Variants in CAST observed in about 807,000 individuals in gnomAD.
The protein encoded by CAST is calpastatin.
Under a neutral mutation model 119.6 loss-of-function variants are expected in CAST, and 76 were observed. That is an observed-to-expected ratio of 0.64 (90% confidence interval 0.53 to 0.77). The LOEUF (loss-of-function observed/expected upper bound fraction) is 0.77. Ranked by LOEUF, CAST falls within the 30% of genes least tolerant of loss-of-function variation. The pLI, the probability that CAST is intolerant of heterozygous loss-of-function variation, is 0.00. For synonymous variants in CAST, 319 were observed against 331.6 expected (o/e 0.96, Z 0.41); for missense variants, 953 against 946.5 (o/e 1.01, Z -0.09).
chr5:96,186,572 T>C, the CAST span, among the ~76,000 whole-genome samples: 1 of 152,252 alleles, frequency 6.6e-6, no homozygotes, highest in Non-Finnish European at 1.5e-5. Context: ...TGTTGAATTT[T>C]ATCAAAAGCT....
the CAST span, among the ~76,000 whole-genome samples, chr5:96,143,165 T>C: frequency 2.0e-5 from 3 of 152,236 alleles, no homozygotes; most frequent in African/African-American, 7.2e-5. Flanking sequence ...TAATTGGATG[T>C]ATATATAAAC....
chr5:96,397,911 A>T, the CAST span, among the ~76,000 whole-genome samples: 1 of 151,784 alleles, frequency 6.6e-6, no homozygotes, highest in Non-Finnish European at 1.5e-5. Flanking sequence ...CATAAAAATT[A>T]TTATTTAATT....
chr5:96,303,928 A>G, the CAST span, among the ~76,000 whole-genome samples: 1 of 152,162 alleles, frequency 6.6e-6, no homozygotes, highest in Non-Finnish European at 1.5e-5. Flanking sequence ...TTAAGTCTTT[A>G]TAGTAGAATG....
the CAST span, among the ~76,000 whole-genome samples, chr5:96,048,864 A>G: frequency 6.6e-6 from 1 of 152,172 alleles, no homozygotes; most frequent in African/African-American, 2.4e-5. Context: ...TTAGGTATCC[A>G]ATGGAAGGGG....
the CAST span, among the ~76,000 whole-genome samples, chr5:96,323,640 G>C: frequency 1.2e-4 from 18 of 152,078 alleles, no homozygotes; most frequent in Non-Finnish European, 2.6e-4. Context: ...CTAGTCAATA[G>C]CAATAGCCAA....
chr5:96,431,806 G>GA, the CAST span, among the ~76,000 whole-genome samples: 3 of 152,176 alleles, frequency 2.0e-5, no homozygotes, highest in Admixed American at 6.5e-5. Flanking sequence ...ACCACCTCCA[G>GA]AAAAAACGCG....
At chr5:96,533,158 G>A (rs1237947371) in intron 1 of CAST, among the ~76,000 whole-genome samples, 2 of 152,176 alleles carry the variant, frequency 1.3e-5, no homozygotes, top group East Asian at 3.8e-4. Context: ...ATAATTCCAT[G>A]TTCAGCTAAC....
chr5:96,077,995 G>C, the CAST span, among the ~76,000 whole-genome samples: 2 of 152,118 alleles, frequency 1.3e-5, no homozygotes, highest in Non-Finnish European at 2.9e-5. Context: ...TTTCTTAGGT[G>C]AGATTTATCT....
At chr5:96,223,350 T>G in the CAST span, among the ~76,000 whole-genome samples, 1 of 152,182 alleles carries the variant, frequency 6.6e-6, no homozygotes, top group African/African-American at 2.4e-5. Flanking sequence ...ATAGAATGTG[T>G]AATGATCAAG....
intron 1 of CAST, among the ~76,000 whole-genome samples, chr5:96,572,770 G>T (rs1312771641): frequency 1.3e-5 from 2 of 152,122 alleles, no homozygotes; most frequent in Non-Finnish European, 2.9e-5. Context: ...CCTTGGGCAG[G>T]CTTTCTCTTT....
At chr5:96,201,181 A>G in the CAST span, among the ~76,000 whole-genome samples, 1 of 152,148 alleles carries the variant, frequency 6.6e-6, no homozygotes, top group South Asian at 2.1e-4. Flanking sequence ...TAAAAGCTTT[A>G]TGAGATTTCA....
chr5:96,207,715 A>G, the CAST span, among the ~76,000 whole-genome samples: 1 of 151,614 alleles, frequency 6.6e-6, no homozygotes, highest in Admixed American at 6.6e-5. Flanking sequence ...TTTGTTGAGG[A>G]TTTTTGCATC....
chr5:96,533,031 A>AT (rs984914126), intron 1 of CAST, among the ~76,000 whole-genome samples: 1 of 140,828 alleles, frequency 7.1e-6, no homozygotes, highest in African/African-American at 2.5e-5. Flanking sequence ...TCTCAAAAAA[A>AT]AAAAAATAAA....
the CAST span, among the ~76,000 whole-genome samples, chr5:96,022,591 T>C: frequency 6.6e-6 from 1 of 152,202 alleles, no homozygotes; most frequent in African/African-American, 2.4e-5. Context: ...TGACTCTTTC[T>C]TTTAATTCAC....
At chr5:96,157,172 C>G in the CAST span, among the ~76,000 whole-genome samples, 1 of 152,022 alleles carries the variant, frequency 6.6e-6, no homozygotes, top group South Asian at 2.1e-4. Context: ...TTAATACAGC[C>G]CTTTGATTAA....
the CAST span, among the ~76,000 whole-genome samples, chr5:96,384,114 G>C: frequency 3.9e-5 from 6 of 152,248 alleles, no homozygotes; most frequent in African/African-American, 1.4e-4. Flanking sequence ...GGTATGTACA[G>C]AGAAGAGGAG....
intron 2 of CAST, among the ~76,000 whole-genome samples, chr5:96,678,187 C>A (rs1750927323): frequency 6.6e-6 from 1 of 152,156 alleles, no homozygotes; most frequent in African/African-American, 2.4e-5. Context: ...CTGATTATTT[C>A]TCCCAAATAT....
chr5:96,735,616 C>T (rs1761474366), intron 9 of CAST, among the ~76,000 whole-genome samples: 1 of 152,148 alleles, frequency 6.6e-6, no homozygotes, highest in Non-Finnish European at 1.5e-5. Context: ...AGAGATGCTC[C>T]AAGGGTCAAA....
chr5:96,576,660 T>C (rs1377864497), intron 1 of CAST, among the ~76,000 whole-genome samples: 1 of 152,158 alleles, frequency 6.6e-6, no homozygotes, highest in East Asian at 1.9e-4. Flanking sequence ...CTAAAGATTT[T>C]TTTTCATATT....
Sources: allele counts gnomAD v4.1 joint callset (sites outside exome capture counted in the v4.1 genomes callset), GRCh38; gene constraint gnomAD v4.1.1; transcripts MANE v1.5; gene names NCBI Gene and HGNC (gene_info 2026-07-23, HGNC 2026-07-21).